Variants in SENP6 observed in about 807,000 individuals in gnomAD.
SENP6 encodes the protein SUMO specific peptidase 6.
Under a neutral mutation model 134.5 loss-of-function variants are expected in SENP6, and 41 were observed. That is an observed-to-expected ratio of 0.30 (90% CI 0.24 to 0.40). SENP6 has a LOEUF of 0.40. SENP6 is among the 10% of genes least tolerant of loss of function. SENP6 has a pLI of 1.00. For synonymous variants in SENP6, 395 were observed against 429.8 expected, an observed-to-expected ratio of 0.92 and a Z score of 1.00; for missense variants, 1,248 against 1,312.5, an observed-to-expected ratio of 0.95 and a Z score of 0.76.
chr6:75,648,443 C>G (rs1359567015), intron 7 of SENP6, among the ~76,000 whole-genome samples: 1 of 152,110 alleles, frequency 6.6e-6, no homozygotes, highest in Admixed American at 6.5e-5. Context: ...ATGGCTCTTA[C>G]TTCCAAAATA....
chr6:75,711,445 T>C (rs1370304234), intron 21 of SENP6, 29 bp downstream of exon 21: 4 of 1,441,928 alleles, frequency 2.8e-6, no homozygotes, highest in East Asian at 2.3e-5. Context: ...TCTTGAAAAC[T>C]ACATAATTTT....
chr6:75,707,586 G>C (rs933092468), intron 19 of SENP6, among the ~76,000 whole-genome samples: 5 of 151,894 alleles, frequency 3.3e-5, no homozygotes, highest in African/African-American at 1.2e-4. Context: ...TCAAACTTCT[G>C]TGTTCAAGCA....
At chr6:75,655,366 A>G (rs1025651686) in intron 7 of SENP6, 5 of 152,238 alleles carry the variant, frequency 3.3e-5, no homozygotes, top group Admixed American at 6.5e-5. Context: ...TTTGAAAACT[A>G]CATATCCCTT....
rs1773240391 is a variant in SENP6 at position 75,678,441 on chromosome 6, TA to T, written c.1849-140del. ...CCTAGTTTTGCCTGTTTCTTGTTTTTAATTGTTAAGTATCATGCATACTTTT... is the reference window on the plus strand; with the variant it reads ...CCTAGTTTTGCCTGTTTCTTGTTTTTATTGTTAAGTATCATGCATACTTTT... On this transcript the variant is annotated intron_variant, in intron 14 of 23. Coordinates refer to ENST00000447266, the MANE Select transcript of SENP6 (RefSeq NM_015571.4). The T allele has an allele frequency of 2.0e-5, 11 of 561,556 alleles. No individual in the cohort carries two copies. In the South Asian group the frequency reaches 2.8e-4, roughly 14 times the overall value. The allele number at this position is 561,556 out of a possible 1,614,324, so 34.8% of individuals were successfully genotyped here.
chr6:75,679,193 C>T (rs1008695259), intron 16 of SENP6: 19 of 281,634 alleles, frequency 6.7e-5, no homozygotes, highest in African/African-American at 3.4e-4. Flanking sequence ...GTGGGAGGAT[C>T]GCTTGAGCCC....
intron 5 of SENP6, chr6:75,635,185 G>GC: frequency 4.0e-6 from 1 of 252,864 alleles, no homozygotes; most frequent in South Asian, 4.8e-5. Context: ...AGGCTTATAA[G>GC]AGTTCATAGC....
Position 75,677,255 on chromosome 6 carries a change from C to A in SENP6, c.1847C>A (p.Thr616Asn). Residue 616 changes from threonine to asparagine, a missense_variant and splice_region_variant, in exon 14 of 24, where the codon ACT (threonine) becomes AAT (asparagine). By Grantham distance (65) the Thr-to-Asn change is moderately conservative. Coordinates refer to ENST00000447266, the MANE Select transcript of SENP6 (RefSeq NM_015571.4). Reference sequence around the variant, plus strand: ...GGGCAAAAGGAAAACAAAATTAAAACTGTAATTATGTTTTTTAATTTAAAA... The same window carrying A: ...GGGCAAAAGGAAAACAAAATTAAAAATGTAATTATGTTTTTTAATTTAAAA... Reference protein sequence around the residue: ...SCGQKENKIKTVSFESKIQLR... With the variant: ...SCGQKENKIKNVSFESKIQLR... The A allele has an allele frequency of 6.5e-7, 1 of 1,549,992 alleles. No homozygotes were observed. Among genetic ancestry groups the A allele is most frequent in the Non-Finnish European group, 8.7e-7 (1 of 1,143,384 alleles).
At chr6:75,667,572 T>C (rs2149870443) in intron 10 of SENP6, among the ~76,000 whole-genome samples, 1 of 152,266 alleles carries the variant, frequency 6.6e-6, no homozygotes, top group African/African-American at 2.4e-5. Context: ...AAAAAATCAA[T>C]TAATATGTGC....
intron 2 of SENP6, 103 bp from the exon 3 acceptor site, chr6:75,623,797 T>G: frequency 3.1e-6 from 3 of 960,016 alleles, no homozygotes; most frequent in East Asian, 2.5e-5. Context: ...AGAAAAAGTT[T>G]GCTGATTCCC....
At chr6:75,681,043 A>G (rs180692144) in intron 16 of SENP6, among the ~76,000 whole-genome samples, 1 of 152,360 alleles carries the variant, frequency 6.6e-6, no homozygotes, top group East Asian at 1.9e-4. Context: ...AAGAATATCA[A>G]TAGACATTAA....
intron 7 of SENP6, among the ~76,000 whole-genome samples, chr6:75,652,505 G>A (rs1001796038): frequency 6.6e-6 from 1 of 151,518 alleles, no homozygotes. Context: ...GGGGACAAAT[G>A]ATATACAGAT....
intron 3 of SENP6, among the ~76,000 whole-genome samples, chr6:75,628,288 A>T (rs911300049): frequency 6.6e-6 from 1 of 152,004 alleles, no homozygotes; most frequent in Non-Finnish European, 1.5e-5. Context: ...TTTAATAGAG[A>T]TATCCTTCAC....
intron 1 of SENP6, among the ~76,000 whole-genome samples, chr6:75,609,468 G>GGA (rs1258039570): frequency 3.9e-5 from 6 of 152,150 alleles, no homozygotes; most frequent in African/African-American, 1.4e-4. Context: ...TGATTGAAGG[G>GGA]GAGAGGGAGT....
chr6:75,659,472 C>T (rs1771610786), intron 8 of SENP6, 65 bp downstream of exon 8: 1 of 1,403,072 alleles, frequency 7.1e-7, no homozygotes, highest in South Asian at 1.3e-5. Context: ...AGTTTCAGTA[C>T]TTATTAAATT....
intron 16 of SENP6, among the ~76,000 whole-genome samples, chr6:75,687,711 T>G (rs181870749): frequency 4.5e-4 from 68 of 152,266 alleles, no homozygotes; most frequent in African/African-American, 1.6e-3. Context: ...GGAGTTCCAC[T>G]CCAGACCAGC....
At chr6:75,615,072 G>A (rs1367195112) in intron 1 of SENP6, among the ~76,000 whole-genome samples, 2 of 152,074 alleles carry the variant, frequency 1.3e-5, no homozygotes, top group African/African-American at 4.8e-5. Context: ...TGTATTTTTA[G>A]TAGAAACAGG....
At chr6:75,678,403 T>G in intron 14 of SENP6, 180 bp from the exon 15 acceptor site, 1 of 523,666 alleles carries the variant, frequency 1.9e-6, no homozygotes, top group South Asian at 2.7e-5. Context: ...CTACAGATAA[T>G]AAGAAAGTGG....
intron 13 of SENP6, among the ~76,000 whole-genome samples, chr6:75,676,361 C>T (rs1167330240): frequency 6.6e-6 from 1 of 152,060 alleles, no homozygotes; most frequent in Non-Finnish European, 1.5e-5. Flanking sequence ...AATTTTTTAA[C>T]TGATAGGAAT....
At chr6:75,713,916 TAA>T (rs1775895217) in intron 23 of SENP6, 91 bp downstream of exon 23, 10 of 1,009,184 alleles carry the variant, frequency 9.9e-6, no homozygotes, top group African/African-American at 1.6e-5. Flanking sequence ...GCAAATATTT[TAA>T]AGAGTTTCAA....
Sources: allele counts gnomAD v4.1 joint callset (sites outside exome capture counted in the v4.1 genomes callset), GRCh38; gene constraint gnomAD v4.1.1; transcripts MANE v1.5; gene names NCBI Gene and HGNC (gene_info 2026-07-23, HGNC 2026-07-21).